The following MYH14 variants were observed in gnomAD, a reference collection of about 807,000 sequenced individuals.
MYH14 encodes myosin-14.
Under a neutral mutation model 255.5 loss-of-function variants are expected in MYH14, and 123 were observed. The observed-to-expected ratio is 0.48, with a 90% CI of 0.42 to 0.56. The LOEUF (loss-of-function observed/expected upper bound fraction) is 0.56, where lower values mean the gene tolerates loss of function less well. Among genes scored for constraint, MYH14 ranks in the 20% least tolerant of loss-of-function variants. MYH14 has a pLI of 0.00. For missense variants in MYH14, 2,423 were observed against 2,802.3 expected (o/e 0.86, Z 3.06); for synonymous variants, 1,095 against 1,161.2 (o/e 0.94, Z 1.16).
rs762354898 is a variant in MYH14, at chr19:50,230,008, G to C, written c.875-517G>C. On this transcript the variant is annotated intron_variant, in intron 8 of 42. Coordinates refer to ENST00000642316, the MANE Select transcript of MYH14 (RefSeq NM_001145809.2). The surrounding 1 kb of genome is among the most constrained non-coding windows in gnomAD (Gnocchi z 4.7). ...CGGCTCACTGCAACCTCCTCCTCCC[G>C]GGTTCAAGCGATTCTCCTGCCTCAG... 6.6e-6 allele frequency among the ~76,000 whole-genome samples: 1 copy of C among 152,086 alleles called. No homozygotes were observed. The highest frequency in any genetic ancestry group is 2.1e-4 in the South Asian group (1 of 4,822).
chr19:50,257,970 G>C (rs756972288), intron 18 of MYH14, among the ~76,000 whole-genome samples: 1 of 152,158 alleles, frequency 6.6e-6, no homozygotes, highest in East Asian at 1.9e-4. Flanking sequence ...TGGAGCACGC[G>C]AGGTACAAGG....
chr19:50,223,913 G>C (rs2032967750), intron 5 of MYH14, among the ~76,000 whole-genome samples: 1 of 152,144 alleles, frequency 6.6e-6, no homozygotes, highest in African/African-American at 2.4e-5. Flanking sequence ...TTCAAGACCA[G>C]CCTGGGTAAT....
chr19:50,301,721 G>A lies in MYH14; in HGVS notation c.5530G>A (p.Gly1844Arg), dbSNP rs375748088. ...ERSFSAKAES[G>R]RQQLERQIQE... is the part of the protein sequence containing the mutation. ...CAGTTTCTCAGCCAAGGCAGAGAGC[G>A]GGCGGCAGCAGCTGGAACGGCAGAT... The change falls in exon 40 of 43, where the codon GGG becomes AGG. Residue 1844 changes from glycine (G) to arginine (R), a missense_variant. By Grantham distance (125) the Gly-to-Arg change is moderately radical (BLOSUM62 -2). Around this residue, in one of 3 missense-constraint regions of MYH14, gnomAD observed 1,513 missense variants for 1,674.8 expected, o/e 0.90. Transcript: ENST00000642316. The A allele has an allele frequency of 2.2e-5, 35 of 1,613,782 alleles. No individual in the cohort carries two copies. The highest frequency in any genetic ancestry group is 2.6e-5 in the Non-Finnish European group (31 of 1,179,846).
At chr19:50,247,704 G>A (rs74552973) in intron 12 of MYH14, among the ~76,000 whole-genome samples, 2,621 of 151,986 alleles carry the variant, frequency 0.017, 92 homozygotes, top group African/African-American at 0.059. Flanking sequence ...TAGATGGTTC[G>A]AGGCAGACGG....
chr19:50,283,976 G>T (rs954816219), intron 33 of MYH14, among the ~76,000 whole-genome samples: 1 of 151,974 alleles, frequency 6.6e-6, no homozygotes, highest in Non-Finnish European at 1.5e-5. Flanking sequence ...GGAGGCTGAG[G>T]CAGGAGAATC....
intron 33 of MYH14, 93 bp downstream of exon 33, chr19:50,281,935 G>T: frequency 7.4e-7 from 1 of 1,354,292 alleles, no homozygotes; most frequent in African/African-American, 1.4e-5. Flanking sequence ...GTGCTGTCAC[G>T]GCTCAACTAG....
At chr19:50,299,945 AAAAC>A (rs1289218459) in intron 39 of MYH14, among the ~76,000 whole-genome samples, 13 of 152,084 alleles carry the variant, frequency 8.5e-5, no homozygotes, top group African/African-American at 1.7e-4. Context: ...ACTGTGTCTC[AAAAC>A]AAACAAAAAC....
intron 25 of MYH14, 131 bp from the exon 26 acceptor site, chr19:50,271,718 G>T (rs2035308215): frequency 2.7e-6 from 4 of 1,473,182 alleles, no homozygotes; most frequent in East Asian, 2.5e-5. Flanking sequence ...AGGTGTAGGG[G>T]GAGGAAGGTC....
In MYH14 at chr19:50,268,234, C is replaced by T. The variant is rs142134135; in HGVS notation, c.2900C>T (p.Thr967Met). ...EAELCAEAEETRGRLAARKQE... is the reference protein window; with the variant it reads ...EAELCAEAEEMRGRLAARKQE... ...GAACTGTGTGCAGAGGCCGAGGAGA[C>T]GCGGGGGAGGCTGGCAGCCCGCAAG... The change falls in exon 24 of 43, where the codon ACG becomes ATG. Residue 967 changes from threonine to methionine, a missense_variant. By Grantham distance (81) the Thr-to-Met change is moderately conservative. Transcript: ENST00000642316. 59 of 1,563,796 alleles carry T rather than the reference C, an allele frequency of 3.8e-5. No homozygotes were observed. In the East Asian group the frequency reaches 5.8e-4, roughly 15 times the overall value.
At chr19:50,292,124 C>A in intron 36 of MYH14, 137 bp from the exon 37 acceptor site, 1 of 832,464 alleles carries the variant, frequency 1.2e-6, no homozygotes, top group Non-Finnish European at 1.7e-6. Context: ...TACACAGGAG[C>A]CCAGGTCTGC....
intron 18 of MYH14, chr19:50,258,732 A>AAAAAAAAAAAAAAC (rs2034692541): frequency 1.1e-5 from 1 of 95,144 alleles, no homozygotes; most frequent in Non-Finnish European, 2.1e-5. Context: ...AAAAAAAAAA[A>AAAAAAAAAAAAAAC]AAAAAAAAAA....
chr19:50,256,000 A>G (rs1480834534), intron 17 of MYH14, among the ~76,000 whole-genome samples: 2 of 151,622 alleles, frequency 1.3e-5, no homozygotes, highest in Non-Finnish European at 2.9e-5. Flanking sequence ...ATTTGGGACC[A>G]GGTGCATTGG....
chr19:50,282,939 C>T (rs550607860), intron 33 of MYH14, among the ~76,000 whole-genome samples: 1 of 152,040 alleles, frequency 6.6e-6, no homozygotes, highest in African/African-American at 2.4e-5. Context: ...GCCATTATTT[C>T]TTCAAATATT....
chr19:50,215,945 C>T (rs980676245), intron 2 of MYH14, among the ~76,000 whole-genome samples: 6 of 152,180 alleles, frequency 3.9e-5, no homozygotes, highest in African/African-American at 9.7e-5. Context: ...ATTTGAATCC[C>T]GGGTGGCTTC....
At chr19:50,268,942 C>T (rs1285327477) in intron 24 of MYH14, among the ~76,000 whole-genome samples, 1 of 152,198 alleles carries the variant, frequency 6.6e-6, no homozygotes, top group Non-Finnish European at 1.5e-5. Context: ...CACTACAGCA[C>T]ATCTCAATTC....
chr19:50,213,491 G>A (rs1012794573), intron 2 of MYH14, among the ~76,000 whole-genome samples: 4 of 152,204 alleles, frequency 2.6e-5, no homozygotes, highest in Non-Finnish European at 4.4e-5. Flanking sequence ...AAAAGTGGTA[G>A]GGCCTGAGCT....
Position 50,310,171 on chromosome 19 carries a change from TTC to T in MYH14, c.*402_*403del, listed in dbSNP as rs376379600. ...AGCCAGTGCAACCCATTCCCTCTGC[TTC>T]TCTCTCTCTCTCTCTCTCTCCCTCC... On this transcript the variant is annotated 3_prime_UTR_variant, in exon 43 of 43. Coordinates refer to ENST00000642316, the MANE Select transcript of MYH14 (RefSeq NM_001145809.2). The T allele has an allele frequency of 0.029, 6,901 of 234,280 alleles. No homozygotes were observed. The highest frequency in any genetic ancestry group is 0.06 in the South Asian group (1,048 of 17,472). The allele number at this position is 234,280 out of a possible 1,614,324, so 14.5% of individuals were successfully genotyped here.
chr19:50,229,269 A>G (rs996852425), intron 8 of MYH14, among the ~76,000 whole-genome samples: 6 of 152,050 alleles, frequency 3.9e-5, no homozygotes, highest in African/African-American at 9.7e-5. Flanking sequence ...CCAAATATGT[A>G]TTTGGTGGTG....
In MYH14 at chr19:50,280,547, AGCCCTG is replaced by A. The variant is rs2035683391; in HGVS notation, c.4290+167_4290+172del. On this transcript the variant is annotated intron_variant, in intron 32 of 42. Coordinates refer to ENST00000642316, the MANE Select transcript of MYH14 (RefSeq NM_001145809.2). This position sits in a 1 kb window ranked among gnomAD's most constrained non-coding sequence, Gnocchi z 4.8. The stretch of plus-strand genomic sequence containing the variant: ...CCCTTACCCCCCACAGCCCATGCCC[AGCCCTG>A]GCTGTCCTGACCCCTGACTCTCAGC... Among the ~76,000 whole-genome samples the A allele has an allele frequency of 6.6e-6, 1 of 152,014 alleles. No homozygotes were observed. Among genetic ancestry groups the A allele is most frequent in the African/African-American group, 2.4e-5 (1 of 41,368 alleles).
Sources: allele counts gnomAD v4.1 joint callset (sites outside exome capture counted in the v4.1 genomes callset), GRCh38; gene constraint gnomAD v4.1.1; regional missense constraint gnomAD v4.1.1; non-coding constraint Gnocchi (gnomAD v3.1); transcripts MANE v1.5; gene names NCBI Gene and HGNC (gene_info 2026-07-23, HGNC 2026-07-21).